The following GLS variants were observed in gnomAD, a reference collection of about 807,000 sequenced individuals.
The protein encoded by GLS is glutaminase kidney isoform, mitochondrial.
A neutral mutation model predicts 86.7 loss-of-function variants in GLS; 36 were observed. That is an observed-to-expected ratio of 0.42 (90% confidence interval 0.32 to 0.55). The LOEUF (loss-of-function observed/expected upper bound fraction) is 0.55, where lower values mean the gene tolerates loss of function less well. Ranked by LOEUF, GLS falls within the 20% of genes least tolerant of loss-of-function variation. The pLI, the probability that GLS is intolerant of heterozygous loss-of-function variation, is 0.17. For missense variants in GLS, 528 were observed against 833.4 expected (o/e 0.63, Z 4.51); for synonymous variants, 317 against 305.9 (o/e 1.04, Z -0.38).
At chr2:190,912,408 C>G (rs1186135951) in intron 7 of GLS, among the ~76,000 whole-genome samples, 1 of 145,258 alleles carries the variant, frequency 6.9e-6, no homozygotes, top group Non-Finnish European at 1.5e-5. Flanking sequence ...CTGATATAAC[C>G]CTATGTAAAA....
rs556980405 is a variant in GLS at position 190,953,666 on chromosome 2, T to C, written c.1712+40T>C. The C allele has an allele frequency of 1.5e-6, 2 of 1,340,044 alleles. No individual in the cohort carries two copies. Among genetic ancestry groups the C allele is most frequent in the Admixed American group, 1.7e-5 (1 of 58,122 alleles). The allele number at this position is 1,340,044 out of a possible 1,614,324, so 83.0% of individuals were successfully genotyped here. On this transcript the variant is annotated intron_variant, in intron 15 of 17. Transcript: ENST00000320717. This position sits in a 1 kb window ranked among gnomAD's most constrained non-coding sequence, Gnocchi z 4.0. ...TGGATTAGCATGCACTTTACAGATA[T>C]TTATGAAGTTGCTTCTGGGCGAGCA... is the stretch of plus-strand genomic sequence containing the variant.
intron 17 of GLS, among the ~76,000 whole-genome samples, chr2:190,957,011 T>C (rs1403161162): frequency 1.3e-5 from 2 of 152,126 alleles, no homozygotes; most frequent in African/African-American, 2.4e-5. Flanking sequence ...TGGGCCGAGA[T>C]GATGGGGTTT....
At position 190,951,412 on chromosome 2, in the gene GLS, A is replaced by C. The variant is rs1228021577; in HGVS notation, c.1651-2153A>C. Among the ~76,000 whole-genome samples, 1 of 152,188 alleles carries C rather than the reference A, an allele frequency of 6.6e-6. No individual in the cohort carries two copies. The highest frequency in any genetic ancestry group is 1.5e-5 in the Non-Finnish European group (1 of 68,034). ...TAGGGTCAAGTGTTGCTTTTTAAAAATAGGATGAAATTGTGTCTGTTTTAA... is the reference window on the plus strand; with the variant it reads ...TAGGGTCAAGTGTTGCTTTTTAAAACTAGGATGAAATTGTGTCTGTTTTAA... On this transcript the variant is annotated intron_variant, in intron 14 of 17. Coordinates refer to ENST00000320717, the MANE Select transcript of GLS (RefSeq NM_014905.5). The surrounding 1 kb of genome is among the most constrained non-coding windows in gnomAD (Gnocchi z 4.2).
At chr2:190,916,306 G>A (rs1218402629) in intron 7 of GLS, among the ~76,000 whole-genome samples, 2 of 151,996 alleles carry the variant, frequency 1.3e-5, no homozygotes, top group Non-Finnish European at 2.9e-5. Flanking sequence ...TGCATGCCTA[G>A]CTTTTATTTT....
intron 14 of GLS, among the ~76,000 whole-genome samples, chr2:190,940,453 A>G (rs1690392854): frequency 6.6e-6 from 1 of 152,064 alleles, no homozygotes; most frequent in Non-Finnish European, 1.5e-5. Flanking sequence ...ATGAAGAAAC[A>G]ATTCTGCTGT....
chr2:190,960,395 G>A (rs1186154452), intron 17 of GLS, among the ~76,000 whole-genome samples: 2 of 106,018 alleles, frequency 1.9e-5, no homozygotes, highest in Admixed American at 2.5e-4. Context: ...ACTGGGTCTT[G>A]CCTTGCCACT....
In GLS at chr2:190,914,728, G is replaced by T. The variant is rs1026327868; in HGVS notation, c.1038+4407G>T. Reference sequence around the variant, plus strand: ...ATACTTTATGAATGGAATCAAGTGCGATACTTACAAAATAACTCTGATGCA... The same window carrying T: ...ATACTTTATGAATGGAATCAAGTGCTATACTTACAAAATAACTCTGATGCA... On this transcript the variant is annotated intron_variant, in intron 7 of 17. Coordinates refer to ENST00000320717, the MANE Select transcript of GLS (RefSeq NM_014905.5). The surrounding 1 kb of genome is among the most constrained non-coding windows in gnomAD (Gnocchi z 4.4). 6.6e-6 allele frequency among the ~76,000 whole-genome samples: 1 copy of T among 151,912 alleles called. No individual in the cohort carries two copies. The highest frequency in any genetic ancestry group is 2.1e-4 in the South Asian group (1 of 4,816).
At chr2:190,907,561 A>G (rs1235883796) in intron 6 of GLS, among the ~76,000 whole-genome samples, 2 of 152,202 alleles carry the variant, frequency 1.3e-5, no homozygotes, top group African/African-American at 4.8e-5. Flanking sequence ...TGGCAATAAC[A>G]GTAGTTTTAA....
chr2:190,931,992 G>T (rs1690118907), intron 14 of GLS, among the ~76,000 whole-genome samples: 1 of 151,932 alleles, frequency 6.6e-6, no homozygotes, highest in Non-Finnish European at 1.5e-5. Context: ...GGAATGTGCT[G>T]CATGCTATAA....
chr2:190,933,715 A>G, intron 14 of GLS: 1 of 877,918 alleles, frequency 1.1e-6, no homozygotes, highest in South Asian at 5.2e-5. Flanking sequence ...TCTATGTTAT[A>G]TTTAAATATG....
At chr2:190,882,753 C>T (rs1215250045) in intron 1 of GLS, among the ~76,000 whole-genome samples, 1 of 152,130 alleles carries the variant, frequency 6.6e-6, no homozygotes, top group Non-Finnish European at 1.5e-5. Flanking sequence ...GGTTTTGTGC[C>T]ACAAAATAGC....
intron 1 of GLS, among the ~76,000 whole-genome samples, chr2:190,889,562 A>G (rs958121292): frequency 6.6e-6 from 1 of 152,238 alleles, no homozygotes; most frequent in African/African-American, 2.4e-5. Context: ...CAGAATTCAT[A>G]TAGTATCTGT....
At position 190,914,308 on chromosome 2, in the gene GLS, A is replaced by G. The variant is rs552892385; in HGVS notation, c.1038+3987A>G. 6.6e-6 allele frequency among the ~76,000 whole-genome samples: 1 copy of G among 152,266 alleles called. No individual in the cohort carries two copies. Among genetic ancestry groups the G allele is most frequent in the Non-Finnish European group, 1.5e-5 (1 of 68,032 alleles). On this transcript the variant is annotated intron_variant, in intron 7 of 17. Coordinates refer to ENST00000320717, the MANE Select transcript of GLS (RefSeq NM_014905.5). This position sits in a 1 kb window ranked among gnomAD's most constrained non-coding sequence, Gnocchi z 4.4. ...GCAATAACCTGTTAGGCATGCTTAT[A>G]AGACAGGTTTTTAAAGTAGTTTGTG...
chr2:190,958,698 GGTT>G (rs571367148), intron 17 of GLS, among the ~76,000 whole-genome samples: 101 of 152,254 alleles, frequency 6.6e-4, no homozygotes, highest in African/African-American at 2.4e-3. Context: ...TTCAGGAGCA[GGTT>G]GTTCAGTTTC....
At chr2:190,908,328 C>T (rs1038817745) in intron 6 of GLS, among the ~76,000 whole-genome samples, 1 of 152,156 alleles carries the variant, frequency 6.6e-6, no homozygotes, top group African/African-American at 2.4e-5. Flanking sequence ...TCAGCCTCAC[C>T]TGTGAACAAA....
chr2:190,921,270 C>A lies in GLS; in HGVS notation c.1130+67C>A, dbSNP rs771458586. On this transcript the variant is annotated intron_variant, in intron 9 of 17. Coordinates refer to ENST00000320717, the MANE Select transcript of GLS (RefSeq NM_014905.5). The surrounding 1 kb of genome is among the most constrained non-coding windows in gnomAD (Gnocchi z 4.2). ...ACTGTATTTAGAATTGATCCACTCT[C>A]TTTTCATTGGAGGGAAATGAATGAT... 2.0e-6 allele frequency: 2 copies of A among 1,016,100 alleles called. No individual in the cohort carries two copies. Among genetic ancestry groups the A allele is most frequent in the East Asian group, 4.8e-5 (2 of 41,882 alleles). 62.9% of individuals were successfully genotyped at this position (1,016,100 alleles called of 1,614,324 possible).
chr2:190,932,848 G>T (rs746056350), intron 14 of GLS: 4 of 1,532,974 alleles, frequency 2.6e-6, no homozygotes, highest in East Asian at 2.4e-5. Flanking sequence ...GGAAAGTCTG[G>T]GAGAGAAAAG....
Position 190,953,622 on chromosome 2 carries a change from C to T in GLS, c.1708C>T (p.Arg570Ter). 4 of 1,595,704 alleles carry T rather than the reference C, an allele frequency of 2.5e-6. No homozygotes were observed. Among genetic ancestry groups the T allele is most frequent in the Non-Finnish European group, 3.4e-6 (4 of 1,163,452 alleles). The change falls in exon 15 of 18, where the codon CGA becomes TGA. Residue 570 changes from arginine to a stop codon, truncating the protein, a stop_gained. Transcript: ENST00000320717. LOFTEE classifies it high-confidence loss of function. This position sits in a 1 kb window ranked among gnomAD's most constrained non-coding sequence, Gnocchi z 4.0. ...AAYTGDVSAL[R>*]RFALSAMDME... is the part of the protein sequence containing the mutation. ...ATATACTGGAGATGTGTCTGCACTT[C>T]GAAGGTATGTTTACAGGATGGATTA...
chr2:190,903,162 C>G (rs1039959237), intron 5 of GLS, among the ~76,000 whole-genome samples: 1 of 152,152 alleles, frequency 6.6e-6, no homozygotes, highest in Admixed American at 6.5e-5. Flanking sequence ...CCCCTGCCCC[C>G]CAGCCAAAAA....
Sources: allele counts gnomAD v4.1 joint callset (sites outside exome capture counted in the v4.1 genomes callset), GRCh38; gene constraint gnomAD v4.1.1; non-coding constraint Gnocchi (gnomAD v3.1); transcripts MANE v1.5; gene names NCBI Gene and HGNC (gene_info 2026-07-23, HGNC 2026-07-21).